The following PTPRS variants were observed in gnomAD, a reference collection of about 807,000 sequenced individuals.
The protein encoded by PTPRS is receptor-type tyrosine-protein phosphatase S.
PTPRS carries 63 observed loss-of-function variants against 215.3 expected under a neutral mutation model. The ratio of observed to expected loss-of-function variants is 0.29; its 90% confidence interval spans 0.24 to 0.36. The LOEUF (loss-of-function observed/expected upper bound fraction) is 0.36, where lower values mean the gene tolerates loss of function less well. Among genes scored for constraint, PTPRS ranks in the 10% least tolerant of loss-of-function variants. The pLI is 1.00. For missense variants in PTPRS, 2,258 were observed against 2,825.8 expected, an observed-to-expected ratio of 0.80 and a Z score of 4.56; for synonymous variants, 1,404 against 1,191.4, an observed-to-expected ratio of 1.18 and a Z score of -3.68.
intron 1 of PTPRS, among the ~76,000 whole-genome samples, chr19:5,316,932 C>A (rs576011087): frequency 6.6e-6 from 1 of 152,316 alleles, no homozygotes; most frequent in East Asian, 1.9e-4. Flanking sequence ...CCACGGGCGG[C>A]TGCCCCACTG....
intron 1 of PTPRS, among the ~76,000 whole-genome samples, chr19:5,337,989 G>A (rs1018237682): frequency 2.0e-5 from 3 of 152,136 alleles, no homozygotes; most frequent in African/African-American, 7.2e-5. Context: ...AGACTTCAGA[G>A]GCTCTCAAGG....
Position 5,229,474 on chromosome 19 carries a change from C to T in PTPRS, c.2349+17G>A, listed in dbSNP as rs536664848. 6.4e-6 allele frequency: 9 copies of T among 1,407,306 alleles called. No homozygotes were observed. In the South Asian group the frequency reaches 1.1e-4, roughly 18 times the overall value. The allele number at this position is 1,407,306 out of a possible 1,614,324, so 87.2% of individuals were successfully genotyped here. A position where few individuals can be genotyped will look rare whatever the true frequency, so the allele number is the denominator to read the frequency against. On this transcript the variant is annotated intron_variant, in intron 15 of 37. Coordinates refer to ENST00000262963, the MANE Select transcript of PTPRS (RefSeq NM_002850.4). ...GCCCGGAGCCCGTCCCCGGCCCCGC[C>T]CCGGCCCCCCGCCCACCTGGGCATC...
chr19:5,275,014 A>C (rs949347525), intron 2 of PTPRS, among the ~76,000 whole-genome samples: 1 of 151,342 alleles, frequency 6.6e-6, no homozygotes, highest in African/African-American at 2.4e-5. Context: ...GTAATATTTA[A>C]TATTTAACCT....
intron 1 of PTPRS, among the ~76,000 whole-genome samples, chr19:5,297,797 T>C (rs2049183054): frequency 8.0e-6 from 1 of 125,308 alleles, no homozygotes; most frequent in South Asian, 2.4e-4. Context: ...TTTTCTTTTT[T>C]TTTTTTTTTT....
chr19:5,295,956 A>G lies in PTPRS; in HGVS notation c.-94-9722T>C, dbSNP rs896109958. 6.6e-6 allele frequency among the ~76,000 whole-genome samples: 1 copy of G among 152,162 alleles called. No individual in the cohort carries two copies. The highest frequency in any genetic ancestry group is 2.4e-5 in the African/African-American group (1 of 41,532). ...TTTTTTGTAGACATGGGATCTCCCC[A>G]TGTTGCCCCGACTGGTCTCGAACTC... On this transcript the variant is annotated intron_variant, in intron 1 of 37. Transcript: ENST00000262963. The surrounding 1 kb of genome is among the most constrained non-coding windows in gnomAD (Gnocchi z 4.6).
intron 11 of PTPRS, among the ~76,000 whole-genome samples, chr19:5,240,635 C>T (rs1209034700): frequency 6.6e-6 from 1 of 151,836 alleles, no homozygotes; most frequent in South Asian, 2.1e-4. Context: ...ATCAGGAGAT[C>T]GAGACCATCC....
In PTPRS at chr19:5,245,890, G is replaced by C; in HGVS notation, c.874C>G (p.Pro292Ala). 1 of 1,613,992 alleles carries C rather than the reference G, an allele frequency of 6.2e-7. No homozygotes were observed. Among genetic ancestry groups the C allele is most frequent in the Non-Finnish European group, 8.5e-7 (1 of 1,179,986 alleles). ...AGTTCCAGCACGTTCCGACCCACGG[G>C]CATGTCATCCTCGGGGGTCAGGTCC... ...AEDLTPEDDMPVGRNVLELTD... is the reference protein window; with the variant it reads ...AEDLTPEDDMAVGRNVLELTD... The change falls in exon 10 of 38, where the codon CCC becomes GCC. Residue 292 changes from proline to alanine, a missense_variant. This residue lies in a region of PTPRS where 508 missense variants were observed against 799.4 expected (regional missense o/e 0.64). Transcript: ENST00000262963.
intron 1 of PTPRS, among the ~76,000 whole-genome samples, chr19:5,309,875 CCA>C (rs143546484): frequency 0.026 from 3,944 of 152,258 alleles, 157 homozygotes; most frequent in East Asian, 0.15. Flanking sequence ...CACTCATCCC[CCA>C]CAGTCTGTCC....
intron 16 of PTPRS, among the ~76,000 whole-genome samples, chr19:5,226,969 G>A (rs972824324): frequency 1.3e-5 from 2 of 152,034 alleles, no homozygotes; most frequent in Admixed American, 6.6e-5. Flanking sequence ...TTGACATGGT[G>A]GGAAGTATTT....
intron 1 of PTPRS, among the ~76,000 whole-genome samples, chr19:5,317,833 C>A (rs1217410891): frequency 6.6e-6 from 1 of 151,840 alleles, no homozygotes. Context: ...CTCAGGAGTT[C>A]GGGACCACCC....
At chr19:5,251,181 G>T (rs893535067) in intron 9 of PTPRS, among the ~76,000 whole-genome samples, 1 of 152,062 alleles carries the variant, frequency 6.6e-6, no homozygotes, top group Non-Finnish European at 1.5e-5. Flanking sequence ...TTGAACTCCA[G>T]CCTGTAGCCC....
At chr19:5,286,015 C>A (rs777532419) in intron 2 of PTPRS, 35 bp downstream of exon 2, 1 of 1,587,288 alleles carries the variant, frequency 6.3e-7, no homozygotes, top group Non-Finnish European at 8.6e-7. Flanking sequence ...TAAACAAACA[C>A]GCAGACCCCT....
rs969490520 is a variant in PTPRS, at chr19:5,287,622, A to G, written c.-94-1388T>C. 2.0e-5 allele frequency among the ~76,000 whole-genome samples: 3 copies of G among 152,150 alleles called. No homozygotes were observed. Among genetic ancestry groups the G allele is most frequent in the Non-Finnish European group, 4.4e-5 (3 of 68,024 alleles). On this transcript the variant is annotated intron_variant, in intron 1 of 37. Transcript: ENST00000262963. This position sits in a 1 kb window ranked among gnomAD's most constrained non-coding sequence, Gnocchi z 4.8. Reference sequence around the variant, plus strand: ...TGACCACAGGAACTGGTGGCGCATAATAACGGGGCAGCCCCTGTGATTCTG... The same window carrying G: ...TGACCACAGGAACTGGTGGCGCATAGTAACGGGGCAGCCCCTGTGATTCTG...
chr19:5,236,252 C>G (rs140256001), intron 13 of PTPRS, among the ~76,000 whole-genome samples: 121 of 152,290 alleles, frequency 7.9e-4, no homozygotes, highest in African/African-American at 2.7e-3. Flanking sequence ...AAGTGCAGCC[C>G]ATTTTACAGG....
intron 13 of PTPRS, among the ~76,000 whole-genome samples, chr19:5,234,912 C>T (rs974542355): frequency 6.6e-6 from 1 of 151,590 alleles, no homozygotes; most frequent in South Asian, 2.1e-4. Context: ...AAGGGCCTTA[C>T]GGAATGTTAA....
In PTPRS at chr19:5,238,931, TGCGCTGCC is replaced by T; in HGVS notation, c.1829_1836del (p.Arg610HisfsTer14). Reference sequence around the variant, plus strand: ...GCGAGACACCTACTGGACTGCAGCGTGCGCTGCCGCACCACGGGGGTGAAGGCGCCCAG... The same window carrying T: ...GCGAGACACCTACTGGACTGCAGCGTGCACCACGGGGGTGAAGGCGCCCAG... On this transcript the variant is annotated frameshift_variant, in exon 13 of 38. Transcript: ENST00000262963. LOFTEE classifies it high-confidence loss of function. 1 of 1,606,360 alleles carries T rather than the reference TGCGCTGCC, an allele frequency of 6.2e-7. No individual in the cohort carries two copies. Among genetic ancestry groups the T allele is most frequent in the Non-Finnish European group, 8.5e-7 (1 of 1,176,826 alleles).
In PTPRS at chr19:5,259,572, G is replaced by A. The variant is rs184987782; in HGVS notation, c.595+1233C>T. The stretch of plus-strand genomic sequence containing the variant: ...ACGTATGTTTGTAATCACAGGCCTG[G>A]ATCAAAGTCCTTATTTTCATAAGTA... On this transcript the variant is annotated intron_variant, in intron 7 of 37. Transcript: ENST00000262963. 3.2e-4 allele frequency among the ~76,000 whole-genome samples: 49 copies of A among 152,280 alleles called. No individual in the cohort carries two copies. In the East Asian group the frequency reaches 5.0e-3, roughly 16 times the overall value.
intron 12 of PTPRS, among the ~76,000 whole-genome samples, chr19:5,239,313 C>G (rs557489531): frequency 6.7e-6 from 1 of 149,476 alleles, no homozygotes; most frequent in Non-Finnish European, 1.5e-5. Flanking sequence ...GAGACAGAGA[C>G]GGAGAGAGAC....
rs755868344 is a variant in PTPRS, at chr19:5,240,335, G to A, written c.1571-3C>T. On this transcript the variant is annotated splice_polypyrimidine_tract_variant and splice_region_variant and intron_variant, in intron 11 of 37. Transcript: ENST00000262963. ...CAGGTTCATGGGCTGGCCCGGCACT[G>A]TGGGGGTGCAGGGAGACAACTAGGA... is the stretch of plus-strand genomic sequence containing the variant. The A allele has an allele frequency of 6.3e-7, 1 of 1,588,514 alleles. No individual in the cohort carries two copies. The highest frequency in any genetic ancestry group is 1.8e-5 in the Admixed American group (1 of 56,862).
Sources: allele counts gnomAD v4.1 joint callset (sites outside exome capture counted in the v4.1 genomes callset), GRCh38; gene constraint gnomAD v4.1.1; regional missense constraint gnomAD v4.1.1; non-coding constraint Gnocchi (gnomAD v3.1); transcripts MANE v1.5; gene names NCBI Gene and HGNC (gene_info 2026-07-23, HGNC 2026-07-21).